The following WWOX variants were observed in gnomAD, a reference collection of about 807,000 sequenced individuals.
WWOX encodes WW domain containing oxidoreductase.
A neutral mutation model predicts 46.2 loss-of-function variants in WWOX; 69 were observed. The ratio of observed to expected loss-of-function variants is 1.49; its 90% CI spans 1.23 to 1.82. The LOEUF is 1.82. Ranked by LOEUF, WWOX falls within the 40% of genes most tolerant of loss-of-function variation. The probability of loss-of-function intolerance (pLI) is 0.00; values close to 1 mark genes in which losing one functional copy is unlikely to be tolerated. For missense variants in WWOX, 919 were observed against 542.6 expected (o/e 1.69, Z -6.89); for synonymous variants, 359 against 202.6 (o/e 1.77, Z -6.56).
rs531306115 is a variant in WWOX, at chr16:78,387,777, C to A, written c.605+829C>A. 3.7e-4 allele frequency among the ~76,000 whole-genome samples: 56 copies of A among 152,140 alleles called. No homozygotes were observed. In the South Asian group the frequency reaches 0.011, roughly 31 times the overall value. On this transcript the variant is annotated intron_variant, in intron 6 of 8. Coordinates refer to ENST00000566780, the MANE Select transcript of WWOX (RefSeq NM_016373.4). The stretch of plus-strand genomic sequence containing the variant: ...TTTGAATTTCATTAATAAATAACTT[C>A]ATTTATTTTTTTTCAGTGACTTGAT...
At chr16:78,485,521 C>T (rs951176130) in intron 8 of WWOX, among the ~76,000 whole-genome samples, 1 of 152,182 alleles carries the variant, frequency 6.6e-6, no homozygotes, top group Non-Finnish European at 1.5e-5. Flanking sequence ...TGCACCAACT[C>T]CCCTTTCAAA....
chr16:78,698,608 T>C (rs549446192), intron 8 of WWOX, among the ~76,000 whole-genome samples: 8 of 152,348 alleles, frequency 5.3e-5, no homozygotes, highest in African/African-American at 1.9e-4. Context: ...ATTAATATCT[T>C]GCTTTCTTAT....
chr16:78,618,615 C>G (rs1231618260), intron 8 of WWOX, among the ~76,000 whole-genome samples: 1 of 152,168 alleles, frequency 6.6e-6, no homozygotes, highest in Non-Finnish European at 1.5e-5. Context: ...TGGGCTTCCA[C>G]ATACAAAGTC....
At chr16:78,190,086 A>G (rs1015828362) in intron 5 of WWOX, among the ~76,000 whole-genome samples, 2 of 152,158 alleles carry the variant, frequency 1.3e-5, no homozygotes, top group East Asian at 3.9e-4. Flanking sequence ...TATGAAAGTG[A>G]GGGGGGTGGT....
intron 5 of WWOX, among the ~76,000 whole-genome samples, chr16:78,219,916 G>A (rs1377736193): frequency 6.6e-6 from 1 of 152,024 alleles, no homozygotes; most frequent in Admixed American, 6.6e-5. Flanking sequence ...AACATTGTAC[G>A]TTTTAAATGG....
At chr16:78,638,905 T>C (rs923172368) in intron 8 of WWOX, among the ~76,000 whole-genome samples, 1 of 152,160 alleles carries the variant, frequency 6.6e-6, no homozygotes, top group African/African-American at 2.4e-5. Context: ...AAAAGAACTT[T>C]GAAGAAAACC....
chr16:78,666,148 G>C (rs1355073207), intron 8 of WWOX, among the ~76,000 whole-genome samples: 1 of 152,076 alleles, frequency 6.6e-6, no homozygotes, highest in Non-Finnish European at 1.5e-5. Context: ...TTAGCCGAGT[G>C]TGGTGGTGTG....
At chr16:78,947,755 A>C (rs949344765) in intron 8 of WWOX, among the ~76,000 whole-genome samples, 12 of 152,238 alleles carry the variant, frequency 7.9e-5, no homozygotes, top group South Asian at 2.1e-4. Context: ...ATTTATAACC[A>C]TTTTCACCTC....
At chr16:78,698,675 T>C (rs1337093561) in intron 8 of WWOX, among the ~76,000 whole-genome samples, 1 of 152,184 alleles carries the variant, frequency 6.6e-6, no homozygotes, top group Non-Finnish European at 1.5e-5. Context: ...ATCCATATGA[T>C]AAACCTTAAG....
intron 8 of WWOX, chr16:79,016,946 C>T (rs1422529282): frequency 1.3e-5 from 2 of 152,178 alleles, no homozygotes; most frequent in African/African-American, 4.8e-5. Context: ...GTGATCCGAC[C>T]ACCTCGACCT....
intron 8 of WWOX, among the ~76,000 whole-genome samples, chr16:78,521,806 C>G (rs957296443): frequency 6.6e-5 from 10 of 151,410 alleles, no homozygotes; most frequent in Non-Finnish European, 1.3e-4. Flanking sequence ...GCATAAGAAG[C>G]CCATGTGAAA....
chr16:78,367,778 G>A (rs1307351646), intron 5 of WWOX, among the ~76,000 whole-genome samples: 1 of 151,246 alleles, frequency 6.6e-6, no homozygotes, highest in Non-Finnish European at 1.5e-5. Context: ...TTTGTTTCGA[G>A]ATGGAGTCTC....
intron 8 of WWOX, among the ~76,000 whole-genome samples, chr16:78,509,765 G>C (rs1388319680): frequency 6.6e-6 from 1 of 152,088 alleles, no homozygotes; most frequent in African/African-American, 2.4e-5. Context: ...TTAAATTGAA[G>C]CGTACAGTGC....
rs560893257 is a variant in WWOX at position 79,051,092 on chromosome 16, A to G, written c.1057-160516A>G. 4.6e-5 allele frequency among the ~76,000 whole-genome samples: 7 copies of G among 152,296 alleles called. No individual in the cohort carries two copies. The East Asian group carries it at 1.4e-3, about 29-fold the overall frequency. On this transcript the variant is annotated intron_variant, in intron 8 of 8. Transcript: ENST00000566780. ...TATATTTGCTGCCATCACAACAGTA[A>G]AATAAACAGGTGTGACTGCAGCCCT...
chr16:78,879,235 A>G (rs899889372), intron 8 of WWOX, among the ~76,000 whole-genome samples: 2 of 152,184 alleles, frequency 1.3e-5, no homozygotes, highest in African/African-American at 2.4e-5. Flanking sequence ...CTGGTTGGGC[A>G]TGCCGGGCAG....
At chr16:78,901,728 A>G (rs569740438) in intron 8 of WWOX, among the ~76,000 whole-genome samples, 1 of 152,190 alleles carries the variant, frequency 6.6e-6, no homozygotes, top group African/African-American at 2.4e-5. Context: ...TGCTTAAGCG[A>G]TCCACCTGCC....
intron 4 of WWOX, among the ~76,000 whole-genome samples, chr16:78,147,622 CT>C (rs1169144311): frequency 7.0e-6 from 1 of 142,672 alleles, no homozygotes; most frequent in Non-Finnish European, 1.5e-5. Context: ...CCACTTTTCG[CT>C]TTTTTAATGG....
chr16:78,176,547 T>A (rs1166379473), intron 5 of WWOX, among the ~76,000 whole-genome samples: 1 of 152,214 alleles, frequency 6.6e-6, no homozygotes, highest in Non-Finnish European at 1.5e-5. Context: ...GGGAGAAACT[T>A]CAATGCATCT....
rs1056857153 is a variant in WWOX at position 78,143,736 on chromosome 16, C to G, written c.410-20447C>G. 6.3e-5 allele frequency among the ~76,000 whole-genome samples: 9 copies of G among 142,072 alleles called. 1 individual carries two copies. The highest frequency in any genetic ancestry group is 2.3e-4 in the African/African-American group (9 of 38,632). 93.2% of individuals were successfully genotyped at this position (142,072 alleles called of 152,430 possible). A position where few individuals can be genotyped will look rare whatever the true frequency, so the allele number is the denominator to read the frequency against. ...TATTAAGAAAACAAAGCTCATTCCT[C>G]TAAAAGAATTGGTATGTTTTTTTTT... is the stretch of plus-strand genomic sequence containing the variant. On this transcript the variant is annotated intron_variant, in intron 4 of 8. Transcript: ENST00000566780.
Sources: gnomAD v4.1 joint callset for allele counts (sites outside exome capture counted in the v4.1 genomes callset) on GRCh38, gnomAD v4.1.1 for gene constraint, MANE v1.5 for transcripts, NCBI Gene and HGNC (gene_info 2026-07-23, HGNC 2026-07-21) for gene names.